NFX1: variants seen among roughly 807,000 people sequenced by gnomAD.
NFX1 encodes the protein nuclear transcription factor, X-box binding 1, also known as transcriptional repressor NF-X1.
Under a neutral mutation model 137.2 loss-of-function variants are expected in NFX1, and 69 were observed. That is an observed-to-expected ratio of 0.50 (90% CI 0.41 to 0.61). NFX1 has a LOEUF of 0.61. Among genes scored for constraint, NFX1 ranks in the 20% least tolerant of loss-of-function variants. The pLI, the probability that NFX1 is intolerant of heterozygous loss-of-function variation, is 0.00. For missense variants in NFX1, 1,167 were observed against 1,391.0 expected (o/e 0.84, Z 2.56); for synonymous variants, 495 against 474.1 (o/e 1.04, Z -0.57).
At chr9:33,352,235 T>C (rs1289002064) in intron 16 of NFX1, among the ~76,000 whole-genome samples, 1 of 152,100 alleles carries the variant, frequency 6.6e-6, no homozygotes, top group Admixed American at 6.5e-5. Flanking sequence ...GTTTAAGCCT[T>C]GTGGAGGGGG....
intron 13 of NFX1, among the ~76,000 whole-genome samples, chr9:33,343,433 C>T (rs1440893895): frequency 6.6e-6 from 1 of 152,158 alleles, no homozygotes; most frequent in Admixed American, 6.5e-5. Flanking sequence ...CTTGTATCTA[C>T]TTCTGCATCC....
intron 19 of NFX1, among the ~76,000 whole-genome samples, chr9:33,358,773 C>T (rs1284798839): frequency 1.3e-5 from 2 of 150,346 alleles, no homozygotes; most frequent in African/African-American, 4.9e-5. Flanking sequence ...AGTGATCCTC[C>T]CACCTCACCT....
Position 33,311,219 on chromosome 9 carries a change from C to T in NFX1, c.1448+42C>T, listed in dbSNP as rs768532351. 5.9e-6 allele frequency: 9 copies of T among 1,528,782 alleles called. No individual in the cohort carries two copies. In the South Asian group the frequency reaches 9.0e-5, roughly 15 times the overall value. 94.7% of individuals were successfully genotyped at this position (1,528,782 alleles called of 1,614,324 possible). On this transcript the variant is annotated intron_variant, in intron 6 of 23. Transcript: ENST00000379540. ...ACCCTAAAGAAGACCTCAGTTTTCA[C>T]ATGCATGATTGACTTGTGAATTTCT...
chr9:33,324,052 A>T (rs1197570476), intron 9 of NFX1, among the ~76,000 whole-genome samples: 1 of 152,104 alleles, frequency 6.6e-6, no homozygotes, highest in Non-Finnish European at 1.5e-5. Context: ...GACCAGCCTG[A>T]GCACGTAGTG....
intron 12 of NFX1, among the ~76,000 whole-genome samples, chr9:33,341,300 C>G (rs1308869916): frequency 6.6e-6 from 1 of 152,060 alleles, no homozygotes; most frequent in Non-Finnish European, 1.5e-5. Flanking sequence ...GAAACTCGGC[C>G]TTATAAAGCC....
At chr9:33,323,750 C>A (rs1261705267) in intron 9 of NFX1, among the ~76,000 whole-genome samples, 1 of 148,054 alleles carries the variant, frequency 6.8e-6, no homozygotes, top group Admixed American at 6.8e-5. Context: ...AAGACTTCAT[C>A]TCAAAAAAAA....
At chr9:33,347,151 G>C (rs773047830) in intron 15 of NFX1, 34 bp downstream of exon 15, 2 of 1,481,812 alleles carry the variant, frequency 1.3e-6, no homozygotes, top group Admixed American at 1.7e-5. Context: ...CATTGTTCCA[G>C]GCAGAGGTTC....
intron 20 of NFX1, 92 bp from the exon 21 acceptor site, chr9:33,364,616 C>G (rs1301564383): frequency 2.1e-6 from 3 of 1,433,284 alleles, no homozygotes; most frequent in Non-Finnish European, 2.8e-6. Context: ...CCAGCATTGT[C>G]TATTGTCTAC....
At chr9:33,336,876 C>T (rs10971473) in intron 11 of NFX1, among the ~76,000 whole-genome samples, 6,882 of 152,148 alleles carry the variant, frequency 0.045, 457 homozygotes, top group African/African-American at 0.15. Context: ...CCAAGGCAGG[C>T]GGATCACTTG....
chr9:33,341,215 A>G (rs971085238), intron 12 of NFX1, among the ~76,000 whole-genome samples: 8 of 152,224 alleles, frequency 5.3e-5, no homozygotes, highest in African/African-American at 1.9e-4. Flanking sequence ...CCTCACAATC[A>G]TGGTGGGAGG....
At chr9:33,303,456 G>C (rs1474162566) in intron 4 of NFX1, among the ~76,000 whole-genome samples, 188 bp downstream of exon 4, 1 of 148,634 alleles carries the variant, frequency 6.7e-6, no homozygotes, top group Non-Finnish European at 1.5e-5. Flanking sequence ...CTGGCAAGCT[G>C]TTCTGGAGAT....
intron 19 of NFX1, among the ~76,000 whole-genome samples, chr9:33,359,911 C>G (rs1251253899): frequency 1.3e-5 from 2 of 152,150 alleles, no homozygotes; most frequent in Non-Finnish European, 2.9e-5. Flanking sequence ...AAGTATAGCC[C>G]TATTTTACCT....
intron 19 of NFX1, among the ~76,000 whole-genome samples, chr9:33,359,028 T>C (rs1020459804): frequency 2.6e-5 from 4 of 152,120 alleles, no homozygotes; most frequent in African/African-American, 7.2e-5. Flanking sequence ...TGCTTGTTGC[T>C]GGTATTTAGA....
intron 14 of NFX1, among the ~76,000 whole-genome samples, chr9:33,345,847 A>G (rs566874608): frequency 6.6e-6 from 1 of 152,338 alleles, no homozygotes; most frequent in South Asian, 2.1e-4. Context: ...TACCAGGCCA[A>G]CAACCATTTG....
chr9:33,351,462 A>T, intron 15 of NFX1, 98 bp from the exon 16 acceptor site: 1 of 1,220,124 alleles, frequency 8.2e-7, no homozygotes, highest in South Asian at 1.3e-5. Context: ...AAACAAAACC[A>T]AACCCTGCCA....
At chr9:33,362,692 GTTTT>G (rs750544815) in intron 19 of NFX1, among the ~76,000 whole-genome samples, 31 of 96,330 alleles carry the variant, frequency 3.2e-4, no homozygotes, top group African/African-American at 1.3e-3. Context: ...AGTTCCTGTG[GTTTT>G]TTTTTTTTTT....
At chr9:33,357,050 G>T (rs1473015886) in intron 19 of NFX1, among the ~76,000 whole-genome samples, 1 of 149,932 alleles carries the variant, frequency 6.7e-6, no homozygotes, top group Non-Finnish European at 1.5e-5. Context: ...TAATGGTGGT[G>T]CCTATAATCC....
chr9:33,334,278 G>A (rs1822917331), intron 11 of NFX1, among the ~76,000 whole-genome samples: 1 of 152,154 alleles, frequency 6.6e-6, no homozygotes, highest in Non-Finnish European at 1.5e-5. Context: ...AACATAGTGA[G>A]GCACTGTCTT....
rs1415777163 is a variant in NFX1 at position 33,354,863 on chromosome 9, TGAG to T, written c.2848_2850del (p.Glu950del). ...TTTGCTTATCAAGGCTGGAGTGTGA[TGAG>T]GAGTGTTCAGCCTTGGAAAGGAAAA... On this transcript the variant is annotated inframe_deletion, in exon 19 of 24. Coordinates refer to ENST00000379540, the MANE Select transcript of NFX1 (RefSeq NM_002504.6). 2 of 1,613,924 alleles carry T rather than the reference TGAG, an allele frequency of 1.2e-6. No homozygotes were observed. The highest frequency in any genetic ancestry group is 1.7e-6 in the Non-Finnish European group (2 of 1,179,992).
Sources: allele counts gnomAD v4.1 joint callset (sites outside exome capture counted in the v4.1 genomes callset), GRCh38; gene constraint gnomAD v4.1.1; transcripts MANE v1.5; gene names NCBI Gene and HGNC (gene_info 2026-07-23, HGNC 2026-07-21).